The following DCAF5 variants were observed in gnomAD, a reference collection of about 807,000 sequenced individuals.
The protein encoded by DCAF5 is DDB1 and CUL4 associated factor 5.
A neutral mutation model predicts 80.7 loss-of-function variants in DCAF5; 9 were observed. The observed-to-expected ratio is 0.11, with a 90% CI of 0.07 to 0.19. The LOEUF (loss-of-function observed/expected upper bound fraction) is 0.19, where lower values mean the gene tolerates loss of function less well. DCAF5 is among the 10% of genes least tolerant of loss of function. The pLI is 1.00. For missense variants in DCAF5, 842 were observed against 1,205.7 expected (o/e 0.70, Z 4.47); for synonymous variants, 433 against 461.9 (o/e 0.94, Z 0.80).
chr14:69,067,497 C>T (rs1286834654), intron 7 of DCAF5, among the ~76,000 whole-genome samples: 1 of 151,858 alleles, frequency 6.6e-6, no homozygotes, highest in East Asian at 1.9e-4. Flanking sequence ...GGACATGGCA[C>T]CACACCTGGC....
At chr14:69,105,929 A>ATATATATATATATATATATATATATC (rs1457390784) in intron 5 of DCAF5, among the ~76,000 whole-genome samples, 5 of 83,014 alleles carry the variant, frequency 6.0e-5, no homozygotes, top group Non-Finnish European at 7.4e-5. Flanking sequence ...ATATATATAT[A>ATATATATATATATATATATATATATC]TATATATATA....
At chr14:69,148,271 T>C (rs571195568) in intron 1 of DCAF5, among the ~76,000 whole-genome samples, 32 of 152,318 alleles carry the variant, frequency 2.1e-4, no homozygotes, top group African/African-American at 4.8e-4. Flanking sequence ...TGTAACCTCA[T>C]TGATGTTGTT....
intron 6 of DCAF5, among the ~76,000 whole-genome samples, chr14:69,077,382 T>G (rs1263132905): frequency 1.3e-5 from 2 of 150,900 alleles, no homozygotes; most frequent in African/African-American, 2.4e-5. Flanking sequence ...ATTTATTTAT[T>G]TATTTATTTA....
intron 1 of DCAF5, among the ~76,000 whole-genome samples, chr14:69,139,199 C>T (rs1382314641): frequency 6.6e-6 from 1 of 151,832 alleles, no homozygotes; most frequent in East Asian, 1.9e-4. Context: ...AAAAGAAAGA[C>T]AGTCTGGCCA....
chr14:69,052,071 T>C lies in DCAF5; in HGVS notation c.*1786A>G, dbSNP rs535431615. ...CCCCAGTAAAAGTCCAGGTGTTAAG[T>C]TGTACACACCCCCATGCTACACACA... On this transcript the variant is annotated 3_prime_UTR_variant, in exon 9 of 9. Coordinates refer to ENST00000341516, the MANE Select transcript of DCAF5 (RefSeq NM_003861.3). 1 of 152,410 alleles carries C rather than the reference T, an allele frequency of 6.6e-6. No homozygotes were observed. The highest frequency in any genetic ancestry group is 2.1e-4 in the South Asian group (1 of 4,822). The allele number at this position is 152,410 out of a possible 1,614,324, so 9.4% of individuals were successfully genotyped here.
At position 69,118,260 on chromosome 14, in the gene DCAF5, C is replaced by G. The variant is rs752658319; in HGVS notation, c.414G>C (p.Val138=). Residue 138 remains valine (V), a synonymous_variant, in exon 4 of 9, where the codon GTG becomes GTC. Coordinates refer to ENST00000341516, the MANE Select transcript of DCAF5 (RefSeq NM_003861.3). This position sits in a 1 kb window ranked among gnomAD's most constrained non-coding sequence, Gnocchi z 4.0. ...HDVESSETLD[V]FAHEDAVYGL... ...CATATACTGCATCTTCATGAGCAAA[C>G]ACGTCCAATGTCTCACTGCTGGGAG... The G allele has an allele frequency of 1.4e-4, 222 of 1,613,682 alleles. No individual in the cohort carries two copies. The highest frequency in any genetic ancestry group is 1.8e-4 in the Non-Finnish European group (212 of 1,179,840).
intron 5 of DCAF5, among the ~76,000 whole-genome samples, chr14:69,105,374 C>T (rs1487952336): frequency 6.6e-6 from 1 of 152,062 alleles, no homozygotes; most frequent in Non-Finnish European, 1.5e-5. Context: ...AAACATGATG[C>T]TAAGTGAAAG....
chr14:69,084,913 G>T (rs547557946), intron 6 of DCAF5: 1 of 1,403,494 alleles, frequency 7.1e-7, no homozygotes, highest in Admixed American at 1.7e-5. Flanking sequence ...AATATTCATC[G>T]TGTGGGTAGA....
rs574486803 is a variant in DCAF5 at position 69,082,226 on chromosome 14, A to C, written c.880-6815T>G. Among the ~76,000 whole-genome samples, 14 of 152,362 alleles carry C rather than the reference A, an allele frequency of 9.2e-5. No individual in the cohort carries two copies. The East Asian group carries it at 2.3e-3, about 25-fold the overall frequency. On this transcript the variant is annotated intron_variant, in intron 6 of 8. Transcript: ENST00000341516. ...AATACCAACCAAAGCAATCAGAGCA[A>C]ATTTTCTTTGGAAATGGGCAAAGCC...
intron 1 of DCAF5, among the ~76,000 whole-genome samples, chr14:69,150,958 A>G (rs567733794): frequency 1.3e-5 from 2 of 152,280 alleles, no homozygotes; most frequent in South Asian, 4.1e-4. Flanking sequence ...AATTCCGTTA[A>G]CATGATTAGT....
rs1223858774 is a variant in DCAF5 at position 69,105,943 on chromosome 14, A to ATATATATATC, written c.665+10422_665+10423insGATATATATA. On this transcript the variant is annotated intron_variant, in intron 5 of 8. Transcript: ENST00000341516. ...TATATATATATATATATATATATAT[A>ATATATATATC]TATCTCCTATTGGTTCTGTTCCTCT... is the stretch of plus-strand genomic sequence containing the variant. Among the ~76,000 whole-genome samples, 2 of 74,172 alleles carry ATATATATATC rather than the reference A, an allele frequency of 2.7e-5. 1 individual carries two copies. Among genetic ancestry groups the ATATATATATC allele is most frequent in the Non-Finnish European group, 7.2e-5 (2 of 27,928 alleles). The allele number at this position is 74,172 out of a possible 152,430, so 48.7% of individuals were successfully genotyped here.
intron 5 of DCAF5, among the ~76,000 whole-genome samples, chr14:69,115,524 A>G: frequency 6.6e-6 from 1 of 152,216 alleles, no homozygotes; most frequent in Non-Finnish European, 1.5e-5. Context: ...GTGGGAAATT[A>G]CATCTATGCA....
intron 5 of DCAF5, among the ~76,000 whole-genome samples, chr14:69,096,507 T>C (rs2039720256): frequency 6.6e-6 from 1 of 152,218 alleles, no homozygotes; most frequent in East Asian, 1.9e-4. Context: ...TATAATCAAA[T>C]GGCATATCCA....
intron 5 of DCAF5, among the ~76,000 whole-genome samples, chr14:69,102,403 G>A (rs1407359153): frequency 2.6e-5 from 4 of 151,890 alleles, no homozygotes; most frequent in Non-Finnish European, 5.9e-5. Context: ...CACCGCGCCC[G>A]ACCATTAGTT....
At chr14:69,151,375 G>A (rs1011953693) in intron 1 of DCAF5, among the ~76,000 whole-genome samples, 1 of 152,182 alleles carries the variant, frequency 6.6e-6, no homozygotes, top group Non-Finnish European at 1.5e-5. Context: ...TACGCCCCAT[G>A]TCACTTCCGA....
intron 1 of DCAF5, among the ~76,000 whole-genome samples, chr14:69,132,717 C>A (rs910531380): frequency 3.3e-5 from 5 of 150,448 alleles, no homozygotes; most frequent in African/African-American, 1.3e-4. Flanking sequence ...TAATGTGGGG[C>A]AGCATAGCAC....
chr14:69,122,408 G>T, intron 1 of DCAF5, 48 bp from the exon 2 acceptor site: 1 of 1,576,864 alleles, frequency 6.3e-7, no homozygotes, highest in South Asian at 1.1e-5. Context: ...GACATCGCAA[G>T]GCTGACAGAT....
At chr14:69,107,522 T>C (rs1269344295) in intron 5 of DCAF5, among the ~76,000 whole-genome samples, 4 of 152,110 alleles carry the variant, frequency 2.6e-5, no homozygotes, top group Admixed American at 6.6e-5. Flanking sequence ...CCCTTAAAGT[T>C]TGAGAATCAC....
intron 6 of DCAF5, chr14:69,089,777 T>G: frequency 3.4e-6 from 1 of 295,116 alleles, no homozygotes; most frequent in Non-Finnish European, 5.0e-6. Context: ...CTGGAGACAT[T>G]TTTGGTTGCC....
Sources: allele counts gnomAD v4.1 joint callset (sites outside exome capture counted in the v4.1 genomes callset), GRCh38; gene constraint gnomAD v4.1.1; non-coding constraint Gnocchi (gnomAD v3.1); transcripts MANE v1.5; gene names NCBI Gene and HGNC (gene_info 2026-07-23, HGNC 2026-07-21).